SMARCAD1: variants seen among roughly 807,000 people sequenced by gnomAD.
SMARCAD1 encodes the protein SWI/SNF-related matrix-associated actin-dependent regulator of chromatin subfamily A containing DEAD/H box 1.
Under a neutral mutation model 127.1 loss-of-function variants are expected in SMARCAD1, and 25 were observed. That is an observed-to-expected ratio of 0.20 (90% confidence interval 0.14 to 0.27). SMARCAD1 has a LOEUF of 0.27. Among genes scored for constraint, SMARCAD1 ranks in the 10% least tolerant of loss-of-function variants. The pLI, the probability that SMARCAD1 is intolerant of heterozygous loss-of-function variation, is 1.00. For missense variants in SMARCAD1, 807 were observed against 1,206.0 expected (o/e 0.67, Z 4.90); for synonymous variants, 400 against 396.9 (o/e 1.01, Z -0.09).
rs930839830 is a variant in SMARCAD1 at position 94,226,255 on chromosome 4, A to G, written c.327A>G (p.Thr109=). The G allele has an allele frequency of 3.7e-6, 6 of 1,613,324 alleles. No individual in the cohort carries two copies. Among genetic ancestry groups the G allele is most frequent in the Non-Finnish European group, 5.1e-6 (6 of 1,179,438 alleles). ...EDVVSPNCSN[T]VQEKTFNKDT... ...TCGTTTCCCCAAATTGCTCCAATAC[A>G]GTTCAAGAGAAAACATTCAACAAAG... The change falls in exon 3 of 24, where the codon ACA becomes ACG. Residue 109 remains threonine, a synonymous_variant. Coordinates refer to ENST00000354268, the MANE Select transcript of SMARCAD1 (RefSeq NM_020159.5).
chr4:94,286,768 CTGTTA>C (rs1410321388), intron 23 of SMARCAD1, among the ~76,000 whole-genome samples: 5 of 152,084 alleles, frequency 3.3e-5, no homozygotes, highest in Admixed American at 3.3e-4. Context: ...AAAATTTTGC[CTGTTA>C]TGTTCACCTA....
chr4:94,222,247 A>T (rs1301583600), intron 2 of SMARCAD1, among the ~76,000 whole-genome samples: 1 of 152,206 alleles, frequency 6.6e-6, no homozygotes, highest in East Asian at 1.9e-4. Flanking sequence ...GTTTTTCATT[A>T]CTTCAATATA....
intron 5 of SMARCAD1, among the ~76,000 whole-genome samples, chr4:94,239,847 A>G (rs1421066777): frequency 6.6e-6 from 1 of 152,156 alleles, no homozygotes; most frequent in Non-Finnish European, 1.5e-5. Flanking sequence ...TGCTGGGATT[A>G]CAGGCATGAG....
At chr4:94,254,483 G>A (rs573416422) in intron 9 of SMARCAD1, among the ~76,000 whole-genome samples, 3 of 152,132 alleles carry the variant, frequency 2.0e-5, no homozygotes, top group South Asian at 4.2e-4. Context: ...TTTTACCAGA[G>A]GTATATGTGC....
At chr4:94,265,684 CT>C (rs1224617225) in intron 10 of SMARCAD1, among the ~76,000 whole-genome samples, 1 of 151,480 alleles carries the variant, frequency 6.6e-6, no homozygotes, top group African/African-American at 2.4e-5. Context: ...GAATACTTCC[CT>C]TTTTAAAAAA....
Position 94,249,711 on chromosome 4 carries a change from A to G in SMARCAD1, c.763A>G (p.Ile255Val), listed in dbSNP as rs760824775. The change falls in exon 7 of 24, where the codon ATT becomes GTT. Residue 255 changes from isoleucine to valine, a missense_variant. Coordinates refer to ENST00000354268, the MANE Select transcript of SMARCAD1 (RefSeq NM_020159.5). ...CAGTAATTGGGAAAAGCAGGAAAGT[A>G]TTGTACTGAAATTGCAAAAGGAATT... ...SSSNWEKQES[I>V]VLKLQKEFPN... 1 of 1,610,646 alleles carries G rather than the reference A, an allele frequency of 6.2e-7. No individual in the cohort carries two copies. The highest frequency in any genetic ancestry group is 1.7e-5 in the Admixed American group (1 of 59,996).
At chr4:94,285,189 G>A (rs902385746) in intron 23 of SMARCAD1, 120 bp downstream of exon 23, 71 of 658,954 alleles carry the variant, frequency 1.1e-4, no homozygotes, top group Middle Eastern at 2.5e-4. Flanking sequence ...GGGATGATGT[G>A]TGATGTGGGA....
intron 23 of SMARCAD1, among the ~76,000 whole-genome samples, chr4:94,288,295 A>G (rs963913199): frequency 6.6e-6 from 1 of 152,154 alleles, no homozygotes; most frequent in Non-Finnish European, 1.5e-5. Flanking sequence ...TTAAAACACT[A>G]GGGTCCAAAG....
At chr4:94,229,397 A>T (rs964975403) in intron 3 of SMARCAD1, among the ~76,000 whole-genome samples, 2 of 152,154 alleles carry the variant, frequency 1.3e-5, no homozygotes, top group African/African-American at 4.8e-5. Flanking sequence ...ATCAAAATGA[A>T]ATTATAGATG....
At chr4:94,281,649 TTTAA>T in intron 21 of SMARCAD1, 59 bp downstream of exon 21, 1 of 1,084,250 alleles carries the variant, frequency 9.2e-7, no homozygotes, top group Non-Finnish European at 1.4e-6. Context: ...TTGTTAGGAT[TTTAA>T]TTGTCTAACA....
chr4:94,226,475 G>T (rs1745026536), intron 3 of SMARCAD1, among the ~76,000 whole-genome samples, 179 bp downstream of exon 3: 1 of 143,040 alleles, frequency 7.0e-6, no homozygotes, highest in South Asian at 2.2e-4. Context: ...GTCATGGAGA[G>T]GTACAATGTG....
chr4:94,227,881 A>G (rs1483829369), intron 3 of SMARCAD1, among the ~76,000 whole-genome samples: 2 of 152,184 alleles, frequency 1.3e-5, no homozygotes, highest in Non-Finnish European at 2.9e-5. Context: ...AGTGTAAGGG[A>G]CACTAGTATA....
intron 6 of SMARCAD1, among the ~76,000 whole-genome samples, chr4:94,241,216 C>G (rs1747529783): frequency 6.6e-6 from 1 of 152,230 alleles, no homozygotes; most frequent in South Asian, 2.1e-4. Context: ...TATTTTGTGT[C>G]TGTGGATATC....
Position 94,237,015 on chromosome 4 carries a change from G to A in SMARCAD1, c.601G>A (p.Ala201Thr). ...IAAALLMFGD[A>T]GGGPRKRKLS... ...TGCTGCCTTGCTGATGTTTGGTGAT[G>A]CAGGTATGCTTGACTTAATTTTAAG... Residue 201 changes from alanine to threonine, a missense_variant, in exon 5 of 24, where the codon GCA (alanine) becomes ACA (threonine). By Grantham distance (58) the Ala-to-Thr change is moderately conservative (BLOSUM62 0). Transcript: ENST00000354268. 6.2e-7 allele frequency: 1 copy of A among 1,613,060 alleles called. No individual in the cohort carries two copies. The highest frequency in any genetic ancestry group is 8.5e-7 in the Non-Finnish European group (1 of 1,179,440).
At chr4:94,275,796 C>CTTTTATTTTATTTTTTTT (rs1553920714) in intron 14 of SMARCAD1, among the ~76,000 whole-genome samples, 2 of 85,412 alleles carry the variant, frequency 2.3e-5, no homozygotes, top group East Asian at 8.3e-4. Context: ...TTAACATTTT[C>CTTTTATTTTATTTTTTTT]TTTTTTTTTT....
At chr4:94,263,835 A>G (rs1023228265) in intron 9 of SMARCAD1, among the ~76,000 whole-genome samples, 3 of 151,934 alleles carry the variant, frequency 2.0e-5, no homozygotes, top group Admixed American at 2.0e-4. Context: ...TTTTGCCCCA[A>G]GTATTTCAAA....
At chr4:94,224,243 T>C (rs1744655119) in intron 2 of SMARCAD1, among the ~76,000 whole-genome samples, 1 of 152,232 alleles carries the variant, frequency 6.6e-6, no homozygotes, top group African/African-American at 2.4e-5. Flanking sequence ...CTTTTTGCTG[T>C]TGTTCCTAGG....
intron 5 of SMARCAD1, among the ~76,000 whole-genome samples, chr4:94,240,217 G>A (rs1394202751): frequency 6.6e-6 from 1 of 152,144 alleles, no homozygotes; most frequent in African/African-American, 2.4e-5. Context: ...GAAAGCAAAA[G>A]TATTTAAGAA....
At chr4:94,229,474 T>C (rs111618601) in intron 3 of SMARCAD1, among the ~76,000 whole-genome samples, 49 of 152,264 alleles carry the variant, frequency 3.2e-4, no homozygotes, top group Admixed American at 8.5e-4. Context: ...ATTTCTCAGT[T>C]TTGGCAGCTG....
Sources: gnomAD v4.1 joint callset for allele counts (sites outside exome capture counted in the v4.1 genomes callset) on GRCh38, gnomAD v4.1.1 for gene constraint, MANE v1.5 for transcripts, NCBI Gene and HGNC (gene_info 2026-07-23, HGNC 2026-07-21) for gene names.